Variants in SMC6 observed in about 807,000 individuals in gnomAD.
SMC6 encodes the protein structural maintenance of chromosomes protein 6.
A neutral mutation model predicts 142.2 loss-of-function variants in SMC6; 79 were observed. That is an observed-to-expected ratio of 0.56 (90% CI 0.46 to 0.67). The LOEUF (loss-of-function observed/expected upper bound fraction) is 0.67, where lower values mean the gene tolerates loss of function less well. SMC6 is among the 30% of genes least tolerant of loss of function. The probability of loss-of-function intolerance (pLI) is 0.00; values close to 1 mark genes in which losing one functional copy is unlikely to be tolerated. For synonymous variants in SMC6, 411 were observed against 412.4 expected, an observed-to-expected ratio of 1.00 and a Z score of 0.04; for missense variants, 1,072 against 1,284.0, an observed-to-expected ratio of 0.83 and a Z score of 2.52.
At chr2:17,670,353 T>C in intron 26 of SMC6, 70 bp downstream of exon 26, 1 of 1,469,850 alleles carries the variant, frequency 6.8e-7, no homozygotes, top group Non-Finnish European at 9.3e-7. Flanking sequence ...AAGAAAGATT[T>C]CCTTCCTTTA....
At chr2:17,728,020 T>A (rs939798874) in intron 7 of SMC6, among the ~76,000 whole-genome samples, 23 of 152,202 alleles carry the variant, frequency 1.5e-4, no homozygotes, top group African/African-American at 5.5e-4. Context: ...GTAGCTCTAA[T>A]AACAAACATC....
intron 25 of SMC6, among the ~76,000 whole-genome samples, chr2:17,673,695 G>A (rs1343396304): frequency 2.0e-5 from 3 of 151,048 alleles, no homozygotes; most frequent in South Asian, 2.1e-4. Context: ...TCAGCCTCCC[G>A]AGTAGCTGGG....
intron 25 of SMC6, among the ~76,000 whole-genome samples, chr2:17,676,919 T>C (rs1667016662): frequency 6.6e-6 from 1 of 152,206 alleles, no homozygotes; most frequent in African/African-American, 2.4e-5. Flanking sequence ...TAGTTATGAC[T>C]TCAACTAGTT....
chr2:17,700,655 A>G (rs1336370046), intron 20 of SMC6, among the ~76,000 whole-genome samples: 1 of 152,204 alleles, frequency 6.6e-6, no homozygotes, highest in African/African-American at 2.4e-5. Context: ...ATTTTTTCCA[A>G]ACTATACAAT....
At position 17,683,477 on chromosome 2, in the gene SMC6, C is replaced by T. The variant is rs571725993; in HGVS notation, c.2804+161G>A. Among the ~76,000 whole-genome samples the T allele has an allele frequency of 1.5e-4, 23 of 152,198 alleles. No homozygotes were observed. In the South Asian group the frequency reaches 4.2e-3, roughly 28 times the overall value. ...AGTTGGATAAGCTCACCATAAAGAG[C>T]CCTTCAGATTCGGAATTGTCTGATT... On this transcript the variant is annotated intron_variant, in intron 24 of 27. Transcript: ENST00000448223.
At chr2:17,678,324 C>T (rs1667089449) in intron 25 of SMC6, among the ~76,000 whole-genome samples, 1 of 152,052 alleles carries the variant, frequency 6.6e-6, no homozygotes, top group Non-Finnish European at 1.5e-5. Flanking sequence ...CCAATTATCA[C>T]CCTAAGAAAA....
chr2:17,694,649 T>TA (rs2124911477), intron 23 of SMC6, among the ~76,000 whole-genome samples: 1 of 152,348 alleles, frequency 6.6e-6, no homozygotes, highest in Admixed American at 6.5e-5. Context: ...GAGAGATAGC[T>TA]AATTTGCCAA....
At chr2:17,668,282 G>A (rs561447916) in intron 26 of SMC6, among the ~76,000 whole-genome samples, 49 of 152,294 alleles carry the variant, frequency 3.2e-4, no homozygotes, top group Admixed American at 8.5e-4. Flanking sequence ...TAGCTCTGAA[G>A]ACAATTCTTG....
At chr2:17,678,027 A>G (rs1558327764) in intron 25 of SMC6, among the ~76,000 whole-genome samples, 1 of 152,260 alleles carries the variant, frequency 6.6e-6, no homozygotes, top group East Asian at 1.9e-4. Flanking sequence ...TTTTAATGCC[A>G]TATCTCCATA....
intron 2 of SMC6, among the ~76,000 whole-genome samples, chr2:17,750,670 C>A (rs1303885554): frequency 1.3e-5 from 2 of 152,014 alleles, no homozygotes; most frequent in African/African-American, 4.8e-5. Context: ...ATTAATCTGT[C>A]CTTCATCTCG....
intron 3 of SMC6, among the ~76,000 whole-genome samples, chr2:17,744,540 G>T (rs993706031): frequency 6.6e-6 from 1 of 152,124 alleles, no homozygotes; most frequent in Non-Finnish European, 1.5e-5. Flanking sequence ...CAGTTTTTGT[G>T]TGTGTTTTTC....
At chr2:17,667,000 C>A (rs1446189597) in intron 26 of SMC6, among the ~76,000 whole-genome samples, 1 of 152,164 alleles carries the variant, frequency 6.6e-6, no homozygotes, top group Non-Finnish European at 1.5e-5. Context: ...AAAAGAGAAA[C>A]TCTTCGGGGA....
chr2:17,743,345 T>C (rs1394793815), intron 3 of SMC6, among the ~76,000 whole-genome samples: 1 of 152,212 alleles, frequency 6.6e-6, no homozygotes, highest in Non-Finnish European at 1.5e-5. Flanking sequence ...TTTGATTCCC[T>C]TCATCAGCAC....
At chr2:17,739,837 C>CACAG (rs1553321179) in intron 4 of SMC6, among the ~76,000 whole-genome samples, 17 of 104,454 alleles carry the variant, frequency 1.6e-4, no homozygotes, top group Non-Finnish European at 3.0e-4. Flanking sequence ...CACACACACA[C>CACAG]ACACACAGAC....
chr2:17,713,087 CCTCT>C (rs1668907852), intron 16 of SMC6, among the ~76,000 whole-genome samples: 2 of 152,176 alleles, frequency 1.3e-5, no homozygotes, highest in African/African-American at 4.8e-5. Context: ...TTCTCGTAGG[CCTCT>C]CTTTCTTTAA....
At chr2:17,702,035 G>T in intron 19 of SMC6, 126 bp from the exon 20 acceptor site, 1 of 580,118 alleles carries the variant, frequency 1.7e-6, no homozygotes, top group South Asian at 2.4e-5. Flanking sequence ...TTAATGAAAG[G>T]GGTACATTAG....
chr2:17,697,839 A>G (rs1392135456), intron 21 of SMC6, among the ~76,000 whole-genome samples: 2 of 152,100 alleles, frequency 1.3e-5, no homozygotes, highest in African/African-American at 4.8e-5. Flanking sequence ...ATTCCTAGGT[A>G]TCTGAGACAA....
In SMC6 at chr2:17,686,477, G is replaced by A. The variant is rs144073584; in HGVS notation, c.2679-2714C>T. On this transcript the variant is annotated intron_variant, in intron 23 of 27. Coordinates refer to ENST00000448223, the MANE Select transcript of SMC6 (RefSeq NM_001142286.2). ...AGCATGGGCAACAGAGTGAGACTCC[G>A]TCCCAAAAAGCAAGGCAAAAATCTG... Among the ~76,000 whole-genome samples, 266 of 152,160 alleles carry A rather than the reference G, an allele frequency of 1.7e-3. 1 individual carries two copies. The highest frequency in any genetic ancestry group is 1.1e-3 in the Non-Finnish European group (75 of 67,986).
In SMC6 at chr2:17,716,877, A is replaced by G; in HGVS notation, c.1210T>C (p.Leu404=). ...CAAGATATTTTTTTTTGTCTTTCCA[A>G]CCGTTCAGGTTCCAAAGATTGGTCA... ...STDQSLEPER[L]ERQKKISWLK... is the part of the protein sequence containing the mutation. The change falls in exon 14 of 28, where the codon TTG becomes CTG. Residue 404 remains leucine (L), a synonymous_variant. Coordinates refer to ENST00000448223, the MANE Select transcript of SMC6 (RefSeq NM_001142286.2). 2 of 1,610,656 alleles carry G rather than the reference A, an allele frequency of 1.2e-6. No individual in the cohort carries two copies. The highest frequency in any genetic ancestry group is 1.7e-6 in the Non-Finnish European group (2 of 1,179,142).
Sources: gnomAD v4.1 joint callset for allele counts (sites outside exome capture counted in the v4.1 genomes callset) on GRCh38, gnomAD v4.1.1 for gene constraint, MANE v1.5 for transcripts, NCBI Gene and HGNC (gene_info 2026-07-23, HGNC 2026-07-21) for gene names.